KIF26B: variants seen among roughly 807,000 people sequenced by gnomAD.
KIF26B encodes kinesin-like protein KIF26B.
In KIF26B, 63 loss-of-function variants were observed where a neutral mutation model predicts 151.2. The ratio of observed to expected loss-of-function variants is 0.42; its 90% CI spans 0.34 to 0.51. The LOEUF (loss-of-function observed/expected upper bound fraction) is 0.51. Ranked by LOEUF, KIF26B falls within the 20% of genes least tolerant of loss-of-function variation. KIF26B has a pLI of 0.07. For missense variants in KIF26B, 2,813 were observed against 2,913.6 expected (o/e 0.97, Z 0.79); for synonymous variants, 1,357 against 1,262.1 (o/e 1.08, Z -1.59).
chr1:245,465,984 A>G (rs1659781541), intron 4 of KIF26B, among the ~76,000 whole-genome samples: 1 of 152,220 alleles, frequency 6.6e-6, no homozygotes, highest in Non-Finnish European at 1.5e-5. Context: ...CAGAGTAGAG[A>G]GATTGAAGAG....
At chr1:245,635,340 A>G (rs1218091413) in intron 9 of KIF26B, among the ~76,000 whole-genome samples, 2 of 151,842 alleles carry the variant, frequency 1.3e-5, no homozygotes, top group Non-Finnish European at 2.9e-5. Context: ...TTTATTATCT[A>G]TTACCTCTTG....
At chr1:245,494,201 G>A (rs759589451) in intron 4 of KIF26B, among the ~76,000 whole-genome samples, 13 of 152,176 alleles carry the variant, frequency 8.5e-5, no homozygotes, top group Non-Finnish European at 1.8e-4. Context: ...AGATACTCGG[G>A]AGACTGAGGC....
intron 2 of KIF26B, among the ~76,000 whole-genome samples, chr1:245,285,446 A>T (rs1182198586): frequency 6.6e-6 from 1 of 152,158 alleles, no homozygotes; most frequent in Non-Finnish European, 1.5e-5. Flanking sequence ...GAGAATCTTG[A>T]TCATTAATTC....
rs979216989 is a variant in KIF26B at position 245,705,805 on chromosome 1, A to G, written c.*3199A>G. On this transcript the variant is annotated 3_prime_UTR_variant, in exon 15 of 15. Coordinates refer to ENST00000407071, the MANE Select transcript of KIF26B (RefSeq NM_018012.4). ...CTGAGGAGCGAGAGTTTGCTTTATC[A>G]TGGGCTTTCAGTTCCCACCTGCGAG... 7.9e-5 allele frequency: 12 copies of G among 152,130 alleles called. No homozygotes were observed. Among genetic ancestry groups the G allele is most frequent in the African/African-American group, 1.9e-4 (8 of 41,430 alleles). 9.4% of individuals were successfully genotyped at this position (152,130 alleles called of 1,614,324 possible). A position where few individuals can be genotyped will look rare whatever the true frequency, so the allele number is the denominator to read the frequency against.
intron 2 of KIF26B, among the ~76,000 whole-genome samples, chr1:245,280,608 T>G (rs1409892678): frequency 2.8e-5 from 4 of 143,880 alleles, no homozygotes; most frequent in African/African-American, 5.5e-5. Flanking sequence ...TTTTTTTTTT[T>G]TTTTTTTTTT....
chr1:245,379,727 T>A (rs1673360190), intron 3 of KIF26B, among the ~76,000 whole-genome samples: 1 of 152,026 alleles, frequency 6.6e-6, no homozygotes, highest in South Asian at 2.1e-4. Flanking sequence ...TCCCAGCACT[T>A]TGGGAGGCCG....
intron 2 of KIF26B, among the ~76,000 whole-genome samples, chr1:245,223,044 C>A (rs1669805763): frequency 6.6e-6 from 1 of 152,060 alleles, no homozygotes; most frequent in Admixed American, 6.6e-5. Flanking sequence ...TTTTGCCCCC[C>A]AGGAATATCT....
At chr1:245,570,422 C>T (rs923181267) in intron 5 of KIF26B, among the ~76,000 whole-genome samples, 1 of 152,220 alleles carries the variant, frequency 6.6e-6, no homozygotes, top group Non-Finnish European at 1.5e-5. Flanking sequence ...TTTCTCATCA[C>T]ATCCACTGAT....
chr1:245,439,346 C>CAAAAAAAAAAAAAAAAA (rs777808376), intron 4 of KIF26B, among the ~76,000 whole-genome samples: 7 of 131,714 alleles, frequency 5.3e-5, no homozygotes, highest in Admixed American at 8.2e-5. Flanking sequence ...GACCCTGTCT[C>CAAAAAAAAAAAAAAAAA]AAAAAAAAAA....
chr1:245,505,065 A>C (rs1276536854), intron 4 of KIF26B, among the ~76,000 whole-genome samples: 2 of 151,428 alleles, frequency 1.3e-5, no homozygotes, highest in Non-Finnish European at 2.9e-5. Flanking sequence ...CAGCCTCCCA[A>C]GTAGTTGGGA....
intron 11 of KIF26B, 90 bp from the exon 12 acceptor site, chr1:245,685,315 C>A: frequency 9.0e-7 from 1 of 1,114,640 alleles, no homozygotes; most frequent in Non-Finnish European, 1.3e-6. Context: ...CCTGTGTCGT[C>A]AGGGGCCTTC....
intron 9 of KIF26B, among the ~76,000 whole-genome samples, chr1:245,617,865 G>C (rs1164572071): frequency 6.6e-6 from 1 of 151,960 alleles, no homozygotes; most frequent in East Asian, 1.9e-4. Flanking sequence ...CTCTTCTTTT[G>C]GTTTCATAGT....
rs115770699 is a variant in KIF26B at position 245,646,679 on chromosome 1, A to C, written c.2258+399A>C. Among the ~76,000 whole-genome samples the C allele has an allele frequency of 3.6e-3, 545 of 152,236 alleles. 2 individuals are homozygous for C. Among genetic ancestry groups the C allele is most frequent in the African/African-American group, 0.012 (504 of 41,536 alleles). On this transcript the variant is annotated intron_variant, in intron 10 of 14. Transcript: ENST00000407071. ...CCAGACTTAACCAAAAAAATATAGGATATCCAGGCAAATTCAAATTTCAGA... is the reference window on the plus strand; with the variant it reads ...CCAGACTTAACCAAAAAAATATAGGCTATCCAGGCAAATTCAAATTTCAGA...
chr1:245,293,050 A>G (rs1312264390), intron 2 of KIF26B, among the ~76,000 whole-genome samples: 2 of 152,220 alleles, frequency 1.3e-5, no homozygotes, highest in Non-Finnish European at 2.9e-5. Flanking sequence ...CTGTGCCACA[A>G]AGATAATATA....
At chr1:245,443,668 A>C (rs1463113388) in intron 4 of KIF26B, among the ~76,000 whole-genome samples, 2 of 82,156 alleles carry the variant, frequency 2.4e-5, no homozygotes, top group African/African-American at 4.1e-5. Flanking sequence ...CCTAGAGGAG[A>C]GGTCATCTCC....
At chr1:245,589,889 C>T (rs2043267764) in intron 5 of KIF26B, among the ~76,000 whole-genome samples, 1 of 152,312 alleles carries the variant, frequency 6.6e-6, no homozygotes, top group East Asian at 1.9e-4. Context: ...TGTTAGCAAG[C>T]TCAAGTTTTC....
chr1:245,327,136 G>A (rs1247762723), intron 2 of KIF26B, among the ~76,000 whole-genome samples: 1 of 152,234 alleles, frequency 6.6e-6, no homozygotes, highest in Non-Finnish European at 1.5e-5. Context: ...ATGTATACAT[G>A]TTGCTGGCGC....
intron 2 of KIF26B, among the ~76,000 whole-genome samples, chr1:245,190,485 G>A (rs563650817): frequency 1.3e-5 from 2 of 152,210 alleles, no homozygotes; most frequent in South Asian, 4.1e-4. Flanking sequence ...AGCAGTCACG[G>A]CACTGCACTT....
At chr1:245,574,729 G>A (rs115455254) in intron 5 of KIF26B, among the ~76,000 whole-genome samples, 1,675 of 152,284 alleles carry the variant, frequency 0.011, 26 homozygotes, top group African/African-American at 0.038. Context: ...TGGGTGTGAC[G>A]GGGAGTCAGG....
Sources: gnomAD v4.1 joint callset for allele counts (sites outside exome capture counted in the v4.1 genomes callset) on GRCh38, gnomAD v4.1.1 for gene constraint, MANE v1.5 for transcripts, NCBI Gene and HGNC (gene_info 2026-07-23, HGNC 2026-07-21) for gene names.